Variants in DNAH6 observed in about 807,000 individuals in gnomAD.
DNAH6 encodes axonemal beta dynein heavy chain 6.
DNAH6 carries 340 observed loss-of-function variants against 491.4 expected under a neutral mutation model. That is an observed-to-expected ratio of 0.69 (90% CI 0.63 to 0.76). DNAH6 has a LOEUF of 0.76. DNAH6 is among the 30% of genes least tolerant of loss of function. The pLI, the probability that DNAH6 is intolerant of heterozygous loss-of-function variation, is 0.00. For synonymous variants in DNAH6, 1,603 were observed against 1,686.1 expected, an observed-to-expected ratio of 0.95 and a Z score of 1.21; for missense variants, 4,443 against 4,972.2, an observed-to-expected ratio of 0.89 and a Z score of 3.20.
chr2:84,793,514 A>G (rs929936081), intron 68 of DNAH6, among the ~76,000 whole-genome samples: 5 of 152,290 alleles, frequency 3.3e-5, no homozygotes, highest in Non-Finnish European at 5.9e-5. Flanking sequence ...TGACATCATC[A>G]TGCAATTGGA....
intron 45 of DNAH6, among the ~76,000 whole-genome samples, chr2:84,692,066 T>C (rs544052940): frequency 3.3e-5 from 5 of 152,354 alleles, no homozygotes; most frequent in Admixed American, 6.5e-5. Context: ...GAGGAAGACT[T>C]TTTAAATAAG....
chr2:84,614,727 G>T (rs1686677216), intron 22 of DNAH6, among the ~76,000 whole-genome samples: 1 of 152,092 alleles, frequency 6.6e-6, no homozygotes, highest in Non-Finnish European at 1.5e-5. Flanking sequence ...ATTCTTGCAG[G>T]GGTAGGGTGG....
intron 29 of DNAH6, among the ~76,000 whole-genome samples, chr2:84,632,662 A>T (rs1262914865): frequency 6.6e-6 from 1 of 152,142 alleles, no homozygotes; most frequent in African/African-American, 2.4e-5. Flanking sequence ...CAGAACACCA[A>T]CTTAGTCTTT....
intron 35 of DNAH6, among the ~76,000 whole-genome samples, chr2:84,655,771 C>T (rs779306785): frequency 4.6e-5 from 7 of 152,104 alleles, no homozygotes; most frequent in Non-Finnish European, 1.0e-4. Flanking sequence ...CAAACAGTTT[C>T]GCCTATTATT....
chr2:84,757,697 C>A (rs953545343), intron 63 of DNAH6, among the ~76,000 whole-genome samples: 5 of 152,180 alleles, frequency 3.3e-5, no homozygotes, highest in African/African-American at 1.2e-4. Flanking sequence ...GAACTCTAAA[C>A]CACCTAATAC....
At chr2:84,532,588 G>T (rs1677280376) in intron 4 of DNAH6, among the ~76,000 whole-genome samples, 1 of 151,918 alleles carries the variant, frequency 6.6e-6, no homozygotes, top group Non-Finnish European at 1.5e-5. Context: ...CCCAACAAAT[G>T]TGGTGAAGCT....
chr2:84,723,754 G>C (rs529299221), intron 60 of DNAH6, among the ~76,000 whole-genome samples: 1 of 152,162 alleles, frequency 6.6e-6, no homozygotes, highest in South Asian at 2.1e-4. Flanking sequence ...TTTTATTTCA[G>C]CCTCTCTTCT....
intron 24 of DNAH6, 49 bp downstream of exon 24, chr2:84,619,953 T>A (rs1687244818): frequency 1.4e-6 from 2 of 1,430,078 alleles, no homozygotes; most frequent in Middle Eastern, 1.7e-4. Context: ...TTGCTACTCC[T>A]CTAGGGTTAT....
intron 44 of DNAH6, among the ~76,000 whole-genome samples, 190 bp downstream of exon 44, chr2:84,686,747 A>G (rs1244827717): frequency 1.3e-5 from 2 of 152,238 alleles, no homozygotes; most frequent in African/African-American, 4.8e-5. Flanking sequence ...TCTATGGAAC[A>G]TAGCCACAGC....
At chr2:84,778,148 A>G in intron 64 of DNAH6, 1 of 761,030 alleles carries the variant, frequency 1.3e-6, no homozygotes, top group Non-Finnish European at 2.5e-6. Context: ...CAACCCCAAC[A>G]ACTATAATCT....
intron 64 of DNAH6, among the ~76,000 whole-genome samples, chr2:84,774,600 T>A (rs1352080268): frequency 6.6e-6 from 1 of 151,968 alleles, no homozygotes; most frequent in African/African-American, 2.4e-5. Context: ...ATATGGGTAG[T>A]TTGATAGGAA....
At chr2:84,790,779 G>A (rs1007222746) in intron 68 of DNAH6, among the ~76,000 whole-genome samples, 2 of 152,116 alleles carry the variant, frequency 1.3e-5, no homozygotes, top group Non-Finnish European at 2.9e-5. Context: ...ACCTGCTGGT[G>A]GCAATGTAAA....
At chr2:84,785,804 A>C (rs1677121133) in intron 67 of DNAH6, 48 bp downstream of exon 67, 1 of 1,402,222 alleles carries the variant, frequency 7.1e-7, no homozygotes, top group African/African-American at 1.5e-5. Context: ...TGTATTATGA[A>C]ATAAATAAAT....
intron 40 of DNAH6, among the ~76,000 whole-genome samples, chr2:84,674,553 T>A (rs1693048668): frequency 6.6e-6 from 1 of 152,152 alleles, no homozygotes; most frequent in Admixed American, 6.5e-5. Flanking sequence ...AAAGGGGCCT[T>A]GGTCACCAAC....
chr2:84,551,372 TA>T (rs1394729688), intron 9 of DNAH6, among the ~76,000 whole-genome samples: 1 of 135,598 alleles, frequency 7.4e-6, no homozygotes, highest in Non-Finnish European at 1.6e-5. Context: ...GCACCTTTGC[TA>T]CCCAAAGATA....
intron 63 of DNAH6, among the ~76,000 whole-genome samples, chr2:84,749,074 A>T (rs1428517830): frequency 6.6e-6 from 1 of 152,198 alleles, no homozygotes; most frequent in Non-Finnish European, 1.5e-5. Context: ...GCACCAAGCC[A>T]TTCATGAGGG....
At chr2:84,625,102 T>G (rs1243577007) in intron 29 of DNAH6, 39 bp downstream of exon 29, 2 of 1,446,272 alleles carry the variant, frequency 1.4e-6, no homozygotes, top group African/African-American at 2.9e-5. Context: ...TTAAGTGTTT[T>G]ATGTGTCTTT....
chr2:84,557,091 A>C (rs1481522939), intron 10 of DNAH6, among the ~76,000 whole-genome samples: 1 of 152,218 alleles, frequency 6.6e-6, no homozygotes, highest in East Asian at 1.9e-4. Context: ...TACTCAAAGA[A>C]TATAAACTTT....
chr2:84,654,048 G>A (rs1323749673), intron 34 of DNAH6, among the ~76,000 whole-genome samples, 174 bp downstream of exon 34: 5 of 151,866 alleles, frequency 3.3e-5, no homozygotes. Flanking sequence ...AGTCTCAAAT[G>A]TTCTTGTCTC....
Sources: allele counts gnomAD v4.1 joint callset (sites outside exome capture counted in the v4.1 genomes callset), GRCh38; gene constraint gnomAD v4.1.1; transcripts MANE v1.5; gene names NCBI Gene and HGNC (gene_info 2026-07-23, HGNC 2026-07-21).